The following CNTN5 variants were observed in gnomAD, a reference collection of about 807,000 sequenced individuals.
CNTN5 encodes the protein contactin 5, also known as contactin-5.
CNTN5 carries 77 observed loss-of-function variants against 129.1 expected under a neutral mutation model. That is an observed-to-expected ratio of 0.60 (90% CI 0.50 to 0.72). The LOEUF is 0.72. Ranked by LOEUF, CNTN5 falls within the 30% of genes least tolerant of loss-of-function variation. CNTN5 has a pLI of 0.00. For missense variants in CNTN5, 1,478 were observed against 1,328.8 expected (o/e 1.11, Z -1.75); for synonymous variants, 509 against 465.6 (o/e 1.09, Z -1.20).
intron 2 of CNTN5, among the ~76,000 whole-genome samples, chr11:99,413,341 G>C (rs1303189938): frequency 6.6e-6 from 1 of 152,140 alleles, no homozygotes; most frequent in African/African-American, 2.4e-5. Flanking sequence ...CAGCAGGGCT[G>C]GGCACAGGGG....
intron 7 of CNTN5, among the ~76,000 whole-genome samples, chr11:99,938,158 T>C (rs11221972): frequency 2.0e-5 from 3 of 151,878 alleles, no homozygotes; most frequent in African/African-American, 4.8e-5. Flanking sequence ...GTGATACTTA[T>C]AGCTTCCAAA....
rs531609421 is a variant in CNTN5, at chr11:100,285,780, G to A, written c.2315-11845G>A. Among the ~76,000 whole-genome samples, 17 of 152,144 alleles carry A rather than the reference G, an allele frequency of 1.1e-4. 1 individual carries two copies. Among genetic ancestry groups the A allele is most frequent in the Admixed American group, 4.6e-4 (7 of 15,280 alleles). ...AAGATGGCCGAATAGGAACAGCTCC[G>A]GTCTACAGCTCCCAGCGTGAGCGAC... On this transcript the variant is annotated intron_variant, in intron 18 of 24. Transcript: ENST00000524871.
intron 7 of CNTN5, among the ~76,000 whole-genome samples, chr11:99,942,322 T>G (rs1158115318): frequency 1.3e-5 from 2 of 152,012 alleles, no homozygotes; most frequent in East Asian, 3.9e-4. Flanking sequence ...GTGTGGATGA[T>G]GGAAAGGGCG....
chr11:100,268,716 C>T (rs1950352599), intron 17 of CNTN5, among the ~76,000 whole-genome samples: 1 of 152,030 alleles, frequency 6.6e-6, no homozygotes. Flanking sequence ...ACAACTCTTC[C>T]AAGAAATCTT....
chr11:100,339,891 A>G lies in CNTN5; in HGVS notation c.2731-572A>G, dbSNP rs532994684. On this transcript the variant is annotated intron_variant, in intron 21 of 24. Transcript: ENST00000524871. ...ATCTCAATGCATAAAAAGGGCTTTGACAGAAAGCTGTTCCTTTCTGCCTCC... is the reference window on the plus strand; with the variant it reads ...ATCTCAATGCATAAAAAGGGCTTTGGCAGAAAGCTGTTCCTTTCTGCCTCC... Among the ~76,000 whole-genome samples the G allele has an allele frequency of 2.0e-5, 3 of 152,294 alleles. No homozygotes were observed. The South Asian group carries it at 6.2e-4, about 32-fold the overall frequency.
chr11:100,176,391 A>T (rs1445294713), intron 13 of CNTN5, among the ~76,000 whole-genome samples: 9 of 149,610 alleles, frequency 6.0e-5, no homozygotes, highest in African/African-American at 2.3e-4. Flanking sequence ...TCAACACTAC[A>T]GTTATTATTT....
At chr11:99,092,294 C>T (rs1337208332) in intron 1 of CNTN5, among the ~76,000 whole-genome samples, 1 of 151,928 alleles carries the variant, frequency 6.6e-6, no homozygotes, top group Non-Finnish European at 1.5e-5. Flanking sequence ...ATAAGTATAC[C>T]TCATTTATTG....
intron 1 of CNTN5, among the ~76,000 whole-genome samples, chr11:99,236,620 G>A (rs1290440860): frequency 1.3e-5 from 2 of 152,074 alleles, no homozygotes; most frequent in African/African-American, 4.8e-5. Flanking sequence ...AATGCAGATA[G>A]TTATAATATT....
chr11:100,344,948 CA>C (rs1952246305), intron 23 of CNTN5, among the ~76,000 whole-genome samples: 1 of 151,998 alleles, frequency 6.6e-6, no homozygotes, highest in Admixed American at 6.6e-5. Context: ...AAAAATATAT[CA>C]GTACATTATA....
intron 1 of CNTN5, among the ~76,000 whole-genome samples, chr11:99,073,568 G>A (rs576881102): frequency 1.1e-4 from 17 of 151,730 alleles, no homozygotes; most frequent in Non-Finnish European, 2.1e-4. Context: ...TCCCCTGACA[G>A]GCCATGGTAT....
chr11:99,456,633 T>C (rs929634768), intron 2 of CNTN5, among the ~76,000 whole-genome samples: 2 of 152,224 alleles, frequency 1.3e-5, no homozygotes, highest in Middle Eastern at 3.4e-3. Context: ...GGCCTACATT[T>C]TTCTATGCTG....
intron 1 of CNTN5, among the ~76,000 whole-genome samples, chr11:99,148,576 C>T (rs564878605): frequency 7.9e-5 from 12 of 152,234 alleles, no homozygotes; most frequent in African/African-American, 2.9e-4. Context: ...GATCTGTTGG[C>T]AGCTAAGCAT....
At chr11:100,235,896 A>G (rs1407032677) in intron 16 of CNTN5, among the ~76,000 whole-genome samples, 1 of 152,044 alleles carries the variant, frequency 6.6e-6, no homozygotes, top group Non-Finnish European at 1.5e-5. Context: ...CATTCCTCAC[A>G]TGGGGCACCA....
chr11:99,435,544 CT>C (rs1943565840), intron 2 of CNTN5, among the ~76,000 whole-genome samples: 1 of 152,176 alleles, frequency 6.6e-6, no homozygotes, highest in Non-Finnish European at 1.5e-5. Context: ...CTAACCACAT[CT>C]GGTTACATGC....
intron 2 of CNTN5, among the ~76,000 whole-genome samples, chr11:99,326,986 G>C (rs1361920108): frequency 6.6e-6 from 1 of 152,080 alleles, no homozygotes; most frequent in South Asian, 2.1e-4. Flanking sequence ...CATCTTGGAA[G>C]CTGTTATTTC....
chr11:99,317,686 G>A (rs1041849332), intron 1 of CNTN5, among the ~76,000 whole-genome samples: 1 of 151,960 alleles, frequency 6.6e-6, no homozygotes, highest in Non-Finnish European at 1.5e-5. Flanking sequence ...AACTTGTTTC[G>A]TACATTTAAT....
chr11:99,500,395 C>A (rs147096451), intron 2 of CNTN5, among the ~76,000 whole-genome samples: 25 of 152,228 alleles, frequency 1.6e-4, no homozygotes, highest in Middle Eastern at 3.4e-3. Flanking sequence ...CAAATGAGAT[C>A]TGAAGAGCTT....
intron 3 of CNTN5, among the ~76,000 whole-genome samples, chr11:99,578,139 C>T (rs952214639): frequency 4.6e-5 from 7 of 151,956 alleles, no homozygotes; most frequent in African/African-American, 1.2e-4. Flanking sequence ...TCATCCATGT[C>T]CCTACAAAGG....
At chr11:99,077,629 C>A (rs759449716) in intron 1 of CNTN5, among the ~76,000 whole-genome samples, 1 of 152,132 alleles carries the variant, frequency 6.6e-6, no homozygotes, top group African/African-American at 2.4e-5. Flanking sequence ...TGTCCCCATC[C>A]GAATCTCATC....
Sources: allele counts gnomAD v4.1 joint callset (sites outside exome capture counted in the v4.1 genomes callset), GRCh38; gene constraint gnomAD v4.1.1; transcripts MANE v1.5; gene names NCBI Gene and HGNC (gene_info 2026-07-23, HGNC 2026-07-21).